The following PLAC1 variants were observed in gnomAD, a reference collection of about 807,000 sequenced individuals.
PLAC1 encodes placenta-specific protein 1.
For synonymous variants in PLAC1, 68 were observed against 62.1 expected, an observed-to-expected ratio of 1.09 and a Z score of -0.44; for missense variants, 136 against 163.2, an observed-to-expected ratio of 0.83 and a Z score of 0.91.
chrX:134,619,077 C>T (rs1259549574), intron 1 of PLAC1, among the ~76,000 whole-genome samples: 1 of 112,047 alleles, frequency 8.9e-6, no homozygotes, highest in Non-Finnish European at 1.9e-5. Flanking sequence ...CCAGACCATG[C>T]AATTGACAGA....
chrX:134,615,057 A>G (rs1397960600), intron 1 of PLAC1, among the ~76,000 whole-genome samples: 2 of 111,917 alleles, frequency 1.8e-5, no homozygotes, highest in African/African-American at 3.2e-5. Context: ...ATATCTCTAC[A>G]AGGTGTTGAT....
intron 2 of PLAC1, among the ~76,000 whole-genome samples, chrX:134,718,236 G>GA (rs779712283): frequency 9.0e-6 from 1 of 111,044 alleles, no homozygotes; most frequent in Non-Finnish European, 1.9e-5. Context: ...CCTCCCTGGA[G>GA]AAAAAAAATT....
At chrX:134,589,132 G>A (rs2078021782) in intron 2 of PLAC1, among the ~76,000 whole-genome samples, 1 of 111,252 alleles carries the variant, frequency 9.0e-6, no homozygotes, top group South Asian at 3.8e-4. Context: ...GAGTGACAGG[G>A]AACTGGAAAC....
rs192360034 is a variant in PLAC1 at position 134,669,838 on chromosome X, C to T, written n.174+63597G>A. Among the ~76,000 whole-genome samples the T allele has an allele frequency of 2.7e-5, 3 of 112,177 alleles. No individual in the cohort carries two copies. The East Asian group carries it at 8.5e-4, about 32-fold the overall frequency. On this transcript the variant is annotated intron_variant and non_coding_transcript_variant, in intron 2 of 2. Transcript: ENST00000466797. Reference sequence around the variant, plus strand: ...GCCGTACACAGCCCGGCTACTCTCCCCGAAGTCTCCTGTTTCTCCCTCTGA... The same window carrying T: ...GCCGTACACAGCCCGGCTACTCTCCTCGAAGTCTCCTGTTTCTCCCTCTGA...
chrX:134,716,612 A>C (rs2078644078), intron 2 of PLAC1, among the ~76,000 whole-genome samples: 1 of 112,362 alleles, frequency 8.9e-6, no homozygotes, highest in African/African-American at 3.2e-5. Context: ...ATCCAGTGTC[A>C]AGTCACTGAT....
rs186272476 is a variant in PLAC1 at position 134,753,376 on chromosome X, T to C, written n.89+10858A>G. 3.5e-3 allele frequency among the ~76,000 whole-genome samples: 385 copies of C among 111,367 alleles called. 3 individuals carry two copies. Among genetic ancestry groups the C allele is most frequent in the Non-Finnish European group, 4.1e-3 (217 of 53,162 alleles). ...GATCATGTAGAAAAGCAGATAAGCA[T>C]CAGAAGCAATGGCAAAGATGATGCC... On this transcript the variant is annotated intron_variant and non_coding_transcript_variant, in intron 1 of 2. Coordinates refer to the PLAC1 transcript ENST00000466797.
At chrX:134,730,548 G>C (rs980460119) in intron 2 of PLAC1, among the ~76,000 whole-genome samples, 1 of 110,786 alleles carries the variant, frequency 9.0e-6, no homozygotes, top group Non-Finnish European at 1.9e-5. Flanking sequence ...GGGCTCAAGC[G>C]ATCCTCCCGC....
In PLAC1 at chrX:134,762,364, T is replaced by C. The variant is rs754540727; in HGVS notation, n.89+1870A>G. 2.7e-5 allele frequency among the ~76,000 whole-genome samples: 3 copies of C among 111,210 alleles called. No homozygotes were observed. In the South Asian group the frequency reaches 1.1e-3, roughly 42 times the overall value. On this transcript the variant is annotated intron_variant and non_coding_transcript_variant, in intron 1 of 2. Coordinates refer to the PLAC1 transcript ENST00000466797. ...CTCTCCAGGAATTATCACAAATGAA[T>C]AAACCCATGTAACCATCACCCAGGT...
chrX:134,616,921 A>G (rs995556393), intron 1 of PLAC1, among the ~76,000 whole-genome samples: 16 of 108,177 alleles, frequency 1.5e-4, no homozygotes, highest in Non-Finnish European at 3.8e-5. Flanking sequence ...GATTATAGGC[A>G]GCCGCCATCA....
In PLAC1 at chrX:134,600,497, T is replaced by C. The variant is rs1034335170; in HGVS notation, c.-59+1554A>G. On this transcript the variant is annotated intron_variant, in intron 2 of 2. Transcript: ENST00000359237. ...GAGCATTTAAATCTGAAATGGCTTC[T>C]GGGCTTTATTTAATTTTTCTAAAAA... 2.7e-5 allele frequency among the ~76,000 whole-genome samples: 3 copies of C among 111,572 alleles called. No homozygotes were observed. The Admixed American group carries it at 2.9e-4, about 11-fold the overall frequency.
chrX:134,589,536 G>A (rs2078023993), intron 2 of PLAC1, among the ~76,000 whole-genome samples: 1 of 110,130 alleles, frequency 9.1e-6, no homozygotes, highest in Non-Finnish European at 1.9e-5. Flanking sequence ...AGACCAGCCT[G>A]GCCAACATGG....
chrX:134,678,991 A>T (rs1313257264), intron 2 of PLAC1, among the ~76,000 whole-genome samples: 15 of 111,715 alleles, frequency 1.3e-4, no homozygotes, highest in Non-Finnish European at 1.9e-5. Flanking sequence ...TGGAGCCAGC[A>T]GAAGTTGGAA....
intron 2 of PLAC1, among the ~76,000 whole-genome samples, chrX:134,675,356 C>T (rs1464908485): frequency 1.8e-5 from 2 of 112,618 alleles, no homozygotes; most frequent in African/African-American, 6.5e-5. Context: ...TCTCTAACCA[C>T]GTGACCTGGA....
intron 2 of PLAC1, among the ~76,000 whole-genome samples, chrX:134,676,620 C>T (rs1036961252): frequency 8.9e-6 from 1 of 112,316 alleles, no homozygotes; most frequent in African/African-American, 3.2e-5. Flanking sequence ...GCATACTCCC[C>T]GGCCCTGCCC....
At chrX:134,676,918 T>C (rs373361714) in intron 2 of PLAC1, among the ~76,000 whole-genome samples, 2 of 112,479 alleles carry the variant, frequency 1.8e-5, no homozygotes, top group Admixed American at 9.4e-5. Flanking sequence ...TAAATGTCCC[T>C]GTGCCTTCGT....
chrX:134,753,421 C>T (rs5978040), intron 1 of PLAC1, among the ~76,000 whole-genome samples: 2,333 of 110,931 alleles, frequency 0.021, 61 homozygotes, highest in African/African-American at 0.072. Flanking sequence ...CTGGAATCAT[C>T]AGTTTTAAAC....
chrX:134,569,894 T>C (rs5930651), intron 2 of PLAC1, among the ~76,000 whole-genome samples: 49,923 of 107,853 alleles, frequency 0.46, 10,105 homozygotes, highest in African/African-American at 0.77. Flanking sequence ...GGCACGACCT[T>C]GGCTCACTGC....
At chrX:134,680,220 C>T (rs755701907) in intron 2 of PLAC1, among the ~76,000 whole-genome samples, 42 of 111,999 alleles carry the variant, frequency 3.8e-4, no homozygotes, top group African/African-American at 1.2e-3. Flanking sequence ...ATTGTCACAA[C>T]GACCCTAAGA....
chrX:134,716,638 T>G (rs145724201), intron 2 of PLAC1, among the ~76,000 whole-genome samples: 1 of 112,556 alleles, frequency 8.9e-6, no homozygotes, highest in African/African-American at 3.2e-5. Context: ...GAGGGCCTTC[T>G]TCCAGAGGCC....
Sources: allele counts gnomAD v4.1 joint callset (sites outside exome capture counted in the v4.1 genomes callset), GRCh38; gene constraint gnomAD v4.1.1; transcripts MANE v1.5; gene names NCBI Gene and HGNC (gene_info 2026-07-23, HGNC 2026-07-21).